Variants in ZNRF2 observed in about 807,000 individuals in gnomAD.
ZNRF2 encodes the protein E3 ubiquitin-protein ligase ZNRF2.
In ZNRF2, 16 loss-of-function variants were observed where a neutral mutation model predicts 20.4. That is an observed-to-expected ratio of 0.79 (90% confidence interval 0.53 to 1.19). The LOEUF (loss-of-function observed/expected upper bound fraction) is 1.19, where lower values mean the gene tolerates loss of function less well. Ranked by LOEUF, ZNRF2 falls within the 50% of genes most tolerant of loss-of-function variation. The pLI is 0.00. For synonymous variants in ZNRF2, 178 were observed against 144.9 expected (o/e 1.23, Z -1.64); for missense variants, 363 against 332.4 (o/e 1.09, Z -0.72).
chr7:30,330,376 T>C (rs1036229917), intron 2 of ZNRF2, among the ~76,000 whole-genome samples: 35 of 152,118 alleles, frequency 2.3e-4, no homozygotes, highest in African/African-American at 8.2e-4. Context: ...TGAAGAAAGA[T>C]TGAGCCAGTT....
At chr7:30,317,148 T>C (rs931108192) in intron 1 of ZNRF2, among the ~76,000 whole-genome samples, 1 of 152,246 alleles carries the variant, frequency 6.6e-6, no homozygotes, top group African/African-American at 2.4e-5. Flanking sequence ...GTGCCATTCT[T>C]GCCTCTAGAA....
intron 2 of ZNRF2, among the ~76,000 whole-genome samples, chr7:30,353,741 AT>A (rs999112289): frequency 6.0e-5 from 9 of 148,954 alleles, no homozygotes; most frequent in African/African-American, 7.4e-5. Context: ...TGGTGGAAGC[AT>A]TTTTTTTTTA....
At chr7:30,330,791 C>A (rs1316643934) in intron 2 of ZNRF2, among the ~76,000 whole-genome samples, 1 of 151,458 alleles carries the variant, frequency 6.6e-6, no homozygotes, top group Admixed American at 6.6e-5. Context: ...GAAAACTTGC[C>A]AGCTACTAAG....
At chr7:30,364,835 T>C (rs989484405) in intron 4 of ZNRF2, among the ~76,000 whole-genome samples, 4 of 152,198 alleles carry the variant, frequency 2.6e-5, no homozygotes, top group African/African-American at 7.2e-5. Flanking sequence ...GATGAGTAAT[T>C]TATACATGAC....
intron 2 of ZNRF2, among the ~76,000 whole-genome samples, chr7:30,353,667 A>G (rs1799991611): frequency 6.6e-6 from 1 of 152,134 alleles, no homozygotes. Context: ...AAATATTCTC[A>G]TCTCAAAGAC....
chr7:30,295,076 T>A lies in ZNRF2; in HGVS notation c.469+9250T>A, dbSNP rs1173803073. Reference sequence around the variant, plus strand: ...GTGTGTGTGTGTGTGTGTGTGTGTGTGTGTGTGTGTGTGTGTGTGTGTGTG... The same window carrying A: ...GTGTGTGTGTGTGTGTGTGTGTGTGAGTGTGTGTGTGTGTGTGTGTGTGTG... On this transcript the variant is annotated intron_variant, in intron 1 of 4. Coordinates refer to ENST00000323037, the MANE Select transcript of ZNRF2 (RefSeq NM_147128.4). Among the ~76,000 whole-genome samples, 73 of 145,218 alleles carry A rather than the reference T, an allele frequency of 5.0e-4. 3 individuals carry two copies. Among genetic ancestry groups the A allele is most frequent in the African/African-American group, 1.6e-3 (60 of 37,232 alleles).
chr7:30,285,720 T>C lies in ZNRF2; in HGVS notation c.363T>C (p.Pro121=). The C allele has an allele frequency of 1.4e-6, 2 of 1,473,330 alleles. No individual in the cohort carries two copies. Among genetic ancestry groups the C allele is most frequent in the Non-Finnish European group, 1.8e-6 (2 of 1,118,760 alleles). 91.3% of individuals were successfully genotyped at this position (1,473,330 alleles called of 1,614,324 possible). Residue 121 remains proline, a synonymous_variant, in exon 1 of 5, where the codon CCT becomes CCC. Coordinates refer to ENST00000323037, the MANE Select transcript of ZNRF2 (RefSeq NM_147128.4). The part of the protein sequence containing the change: ...YGSQDSVHSS[P]EDGGGGRDRP... The stretch of plus-strand genomic sequence containing the variant: ...CGCAGGACTCGGTGCACAGCAGCCC[T>C]GAGGACGGCGGCGGCGGCCGGGACC...
Position 30,285,514 on chromosome 7 carries a change from G to A in ZNRF2, c.157G>A (p.Val53Met). The A allele has an allele frequency of 1.9e-6, 2 of 1,033,564 alleles. No individual in the cohort carries two copies. The highest frequency in any genetic ancestry group is 2.3e-6 in the Non-Finnish European group (2 of 864,604). The allele number at this position is 1,033,564 out of a possible 1,614,324, so 64.0% of individuals were successfully genotyped here. ...CGCCGCGGGGAGGTTCCCGGCTCAG[G>A]TGCCCAGCGCGCACCAGCCCAGCGC... ...AAAAGRFPAQ[V>M]PSAHQPSASG... The change falls in exon 1 of 5, where the codon GTG (valine) becomes ATG (methionine). Residue 53 changes from valine (V) to methionine (M), a missense_variant. By Grantham distance (21) the Val-to-Met change is conservative. Transcript: ENST00000323037.
At chr7:30,321,106 C>T (rs911930054) in intron 1 of ZNRF2, among the ~76,000 whole-genome samples, 5 of 151,882 alleles carry the variant, frequency 3.3e-5, no homozygotes, top group Non-Finnish European at 5.9e-5. Flanking sequence ...TTCTCAATTC[C>T]GAATATTCTT....
At chr7:30,337,285 C>G (rs773182494) in intron 2 of ZNRF2, among the ~76,000 whole-genome samples, 8 of 151,764 alleles carry the variant, frequency 5.3e-5, no homozygotes, top group Middle Eastern at 6.8e-3. Context: ...TTTTCTTATG[C>G]TTGTTAGTAA....
intron 1 of ZNRF2, among the ~76,000 whole-genome samples, chr7:30,288,518 T>C (rs1798838807): frequency 6.6e-6 from 1 of 152,220 alleles, no homozygotes; most frequent in South Asian, 2.1e-4. Flanking sequence ...TCTCTCATAA[T>C]GAATTGCCAC....
intron 2 of ZNRF2, among the ~76,000 whole-genome samples, chr7:30,333,526 C>G (rs558222656): frequency 1.3e-5 from 2 of 151,904 alleles, no homozygotes; most frequent in South Asian, 4.2e-4. Context: ...CCCACCACTA[C>G]GCCTGGCTAA....
At chr7:30,333,147 A>G (rs1268957052) in intron 2 of ZNRF2, among the ~76,000 whole-genome samples, 1 of 147,692 alleles carries the variant, frequency 6.8e-6, no homozygotes, top group East Asian at 2.0e-4. Flanking sequence ...TCTGCCTCCC[A>G]GGTTCAAGCA....
chr7:30,319,445 G>A (rs1033935527), intron 1 of ZNRF2, among the ~76,000 whole-genome samples: 3 of 152,154 alleles, frequency 2.0e-5, no homozygotes, highest in Non-Finnish European at 4.4e-5. Flanking sequence ...GGCCTGGAGG[G>A]CTGAAGTGCC....
intron 2 of ZNRF2, among the ~76,000 whole-genome samples, chr7:30,346,889 A>G (rs1799887778): frequency 6.6e-6 from 1 of 151,956 alleles, no homozygotes; most frequent in African/African-American, 2.4e-5. Context: ...TTTATTAATG[A>G]TTTTTGGTTT....
rs1396246032 is a variant in ZNRF2 at position 30,352,888 on chromosome 7, A to G, written c.566-2840A>G. Among the ~76,000 whole-genome samples, 4 of 152,210 alleles carry G rather than the reference A, an allele frequency of 2.6e-5. No homozygotes were observed. In the East Asian group the frequency reaches 7.7e-4, roughly 29 times the overall value. On this transcript the variant is annotated intron_variant, in intron 2 of 4. Transcript: ENST00000323037. ...GTATTTCCAGGTCCTGTTTTTAAGTATGAATGTATCACATTACTAACAAGT... is the reference window on the plus strand; with the variant it reads ...GTATTTCCAGGTCCTGTTTTTAAGTGTGAATGTATCACATTACTAACAAGT...
At chr7:30,353,456 C>G (rs977455957) in intron 2 of ZNRF2, among the ~76,000 whole-genome samples, 2 of 152,002 alleles carry the variant, frequency 1.3e-5, no homozygotes, top group African/African-American at 4.8e-5. Flanking sequence ...ATGACTTTAA[C>G]CCAGCATTCT....
rs758372967 is a variant in ZNRF2 at position 30,285,804 on chromosome 7, C to A, written c.447C>A (p.His149Gln). Residue 149 changes from histidine to glutamine, a missense_variant, in exon 1 of 5, where the codon CAC becomes CAA. By Grantham distance (24) the His-to-Gln change is conservative (BLOSUM62 0). Coordinates refer to ENST00000323037, the MANE Select transcript of ZNRF2 (RefSeq NM_147128.4). ...TGGTGATCGGCTCCTTACCAGCTCA[C>A]CTCTCGCCGCACATGTTTGGAGGTA... The part of the protein sequence containing the change: ...PRLVIGSLPA[H>Q]LSPHMFGGFK... 2.0e-6 allele frequency: 3 copies of A among 1,526,240 alleles called. No homozygotes were observed. Among genetic ancestry groups the A allele is most frequent in the Admixed American group, 4.4e-5 (2 of 45,158 alleles). 94.5% of individuals were successfully genotyped at this position (1,526,240 alleles called of 1,614,324 possible).
chr7:30,357,232 G>T (rs1800055004), intron 3 of ZNRF2, among the ~76,000 whole-genome samples: 1 of 152,142 alleles, frequency 6.6e-6, no homozygotes, highest in Non-Finnish European at 1.5e-5. Flanking sequence ...CACACATGAA[G>T]TATTATAGAA....
Sources: allele counts gnomAD v4.1 joint callset (sites outside exome capture counted in the v4.1 genomes callset), GRCh38; gene constraint gnomAD v4.1.1; transcripts MANE v1.5; gene names NCBI Gene and HGNC (gene_info 2026-07-23, HGNC 2026-07-21).